Variants in NREP observed in about 807,000 individuals in gnomAD.
The protein encoded by NREP is neuronal regeneration-related protein.
Under a neutral mutation model 8.6 loss-of-function variants are expected in NREP, and 5 were observed. That is an observed-to-expected ratio of 0.58 (90% CI 0.30 to 1.22). The LOEUF (loss-of-function observed/expected upper bound fraction) is 1.22. Among genes scored for constraint, NREP ranks in the 50% most tolerant of loss-of-function variants. NREP has a pLI of 0.07. For missense variants in NREP, 86 were observed against 82.5 expected (o/e 1.04, Z -0.17); for synonymous variants, 27 against 28.0 (o/e 0.96, Z 0.11).
chr5:111,883,080 C>T (rs1291330887), intron 2 of NREP, among the ~76,000 whole-genome samples: 1 of 152,156 alleles, frequency 6.6e-6, no homozygotes, highest in Non-Finnish European at 1.5e-5. Context: ...TTCAGGAAAG[C>T]CATCTCACGT....
intron 2 of NREP, among the ~76,000 whole-genome samples, chr5:111,961,290 G>C (rs953052818): frequency 6.6e-6 from 1 of 152,202 alleles, no homozygotes; most frequent in Admixed American, 6.5e-5. Context: ...TACCCACTCA[G>C]CCACCAGTGC....
chr5:111,757,627 C>T, upstream of NREP: 4 of 983,240 alleles, frequency 4.1e-6, no homozygotes, highest in Non-Finnish European at 4.8e-6. Context: ...GCCCCGACAC[C>T]CCGCACCCGC....
At chr5:111,757,756 C>A, upstream of NREP, 2 of 973,892 alleles carry the variant, frequency 2.1e-6, no homozygotes, top group Non-Finnish European at 1.2e-6. Context: ...GCGCGCAAAT[C>A]CCCGGCCTTC....
intron 2 of NREP, among the ~76,000 whole-genome samples, chr5:111,911,560 T>C (rs1484923010): frequency 1.3e-5 from 2 of 152,044 alleles, no homozygotes; most frequent in Non-Finnish European, 2.9e-5. Flanking sequence ...GCTGGAGATA[T>C]GTTATATGCT....
intron 2 of NREP, among the ~76,000 whole-genome samples, chr5:111,745,814 A>C (rs1005799038): frequency 6.6e-6 from 1 of 152,170 alleles, no homozygotes; most frequent in Non-Finnish European, 1.5e-5. Context: ...TAAACTACTA[A>C]GAATGATAAA....
intron 2 of NREP, among the ~76,000 whole-genome samples, chr5:111,809,249 A>G (rs1388405937): frequency 6.6e-6 from 1 of 152,158 alleles, no homozygotes; most frequent in Non-Finnish European, 1.5e-5. Context: ...GAACCAAACC[A>G]TATGTTCATT....
At chr5:111,968,146 G>GT (rs1404425292) in intron 2 of NREP, among the ~76,000 whole-genome samples, 3 of 151,858 alleles carry the variant, frequency 2.0e-5, no homozygotes, top group South Asian at 2.1e-4. Flanking sequence ...AATTAGTATA[G>GT]TTTTTTTAAT....
intron 3 of NREP, chr5:111,733,570 TGGA>T (rs1327466743): frequency 6.6e-6 from 1 of 151,796 alleles, no homozygotes; most frequent in African/African-American, 2.4e-5. Context: ...CTGCAACAAG[TGGA>T]GGAGGCATTT....
chr5:111,820,665 A>G (rs1158423803), intron 2 of NREP, among the ~76,000 whole-genome samples: 1 of 152,180 alleles, frequency 6.6e-6, no homozygotes, highest in Non-Finnish European at 1.5e-5. Context: ...CACATTTAAA[A>G]TATTTCATAT....
intron 2 of NREP, among the ~76,000 whole-genome samples, chr5:111,766,362 C>T (rs571218346): frequency 1.9e-4 from 29 of 152,244 alleles, no homozygotes; most frequent in South Asian, 4.1e-4. Flanking sequence ...TCCATTTGCA[C>T]GGATTTGCCT....
chr5:111,820,619 T>C (rs889515528), intron 2 of NREP, among the ~76,000 whole-genome samples: 1 of 152,152 alleles, frequency 6.6e-6, no homozygotes, highest in Non-Finnish European at 1.5e-5. Context: ...ATATGGCTGA[T>C]CATAAATATG....
At chr5:111,970,223 T>C (rs1385537631) in intron 2 of NREP, among the ~76,000 whole-genome samples, 1 of 150,966 alleles carries the variant, frequency 6.6e-6, no homozygotes, top group Non-Finnish European at 1.5e-5. Context: ...AATTTGTGGT[T>C]CTAATTTTTT....
intron 2 of NREP, among the ~76,000 whole-genome samples, chr5:111,919,572 G>A (rs1403251770): frequency 6.6e-6 from 1 of 151,992 alleles, no homozygotes; most frequent in Non-Finnish European, 1.5e-5. Flanking sequence ...TATCTTTACA[G>A]GGACATGGAT....
At chr5:111,876,540 G>A (rs144636205) in intron 2 of NREP, among the ~76,000 whole-genome samples, 15 of 152,254 alleles carry the variant, frequency 9.9e-5, no homozygotes, top group Non-Finnish European at 2.2e-4. Context: ...CACAGGAATA[G>A]GATTCTGAAT....
At chr5:111,837,847 A>T (rs901158364) in intron 2 of NREP, among the ~76,000 whole-genome samples, 3 of 152,088 alleles carry the variant, frequency 2.0e-5, no homozygotes, top group Admixed American at 2.0e-4. Context: ...TAATTTTTTC[A>T]TAGAGGAATC....
chr5:111,756,205 A>G lies in NREP; in HGVS notation c.-58-375T>C, dbSNP rs191011645. The stretch of plus-strand genomic sequence containing the variant: ...TGGCAGTATATTTGCAATCAAGACG[A>G]CAGAATAGGAATCAGCCTTCCACCG... On this transcript the variant is annotated intron_variant, in intron 1 of 3. Coordinates refer to ENST00000257435, the MANE Select transcript of NREP (RefSeq NM_004772.4). 9.8e-6 allele frequency: 10 copies of G among 1,016,172 alleles called. No homozygotes were observed. The Admixed American group carries it at 5.1e-4, about 52-fold the overall frequency. 62.9% of individuals were successfully genotyped at this position (1,016,172 alleles called of 1,614,324 possible). A position where few individuals can be genotyped will look rare whatever the true frequency, so the allele number is the denominator to read the frequency against.
intron 2 of NREP, among the ~76,000 whole-genome samples, chr5:111,941,279 C>A (rs942543495): frequency 6.6e-5 from 10 of 152,034 alleles, no homozygotes; most frequent in African/African-American, 2.2e-4. Flanking sequence ...TGGGTGAAAG[C>A]CCAACATCAC....
At chr5:111,741,952 C>T (rs1749707809) in intron 2 of NREP, among the ~76,000 whole-genome samples, 2 of 151,904 alleles carry the variant, frequency 1.3e-5, no homozygotes, top group Non-Finnish European at 2.9e-5. Flanking sequence ...TGCCCTCCTG[C>T]TAGAAAGGAA....
chr5:111,768,267 G>A (rs1323954617), intron 2 of NREP, among the ~76,000 whole-genome samples: 3 of 152,152 alleles, frequency 2.0e-5, no homozygotes, highest in African/African-American at 7.2e-5. Flanking sequence ...GAAAATAGGA[G>A]CAGAAGGAGA....
Sources: allele counts gnomAD v4.1 joint callset (sites outside exome capture counted in the v4.1 genomes callset), GRCh38; gene constraint gnomAD v4.1.1; transcripts MANE v1.5; gene names NCBI Gene and HGNC (gene_info 2026-07-23, HGNC 2026-07-21).